The following RASEF variants were observed in gnomAD, a reference collection of about 807,000 sequenced individuals.
The protein encoded by RASEF is ras and EF-hand domain-containing protein.
In RASEF, 68 loss-of-function variants were observed where a neutral mutation model predicts 90.1. The ratio of observed to expected loss-of-function variants is 0.75; its 90% CI spans 0.62 to 0.92. RASEF has a LOEUF of 0.92. RASEF is among the 40% of genes least tolerant of loss of function. The pLI is 0.00. For synonymous variants in RASEF, 331 were observed against 345.2 expected (o/e 0.96, Z 0.46); for missense variants, 949 against 937.2 (o/e 1.01, Z -0.16).
intron 1 of RASEF, chr9:83,055,039 C>A (rs1161449804): frequency 6.8e-6 from 1 of 146,780 alleles, no homozygotes; most frequent in Non-Finnish European, 1.5e-5. Context: ...CCTACAGAGG[C>A]AGGCAGGCCT....
the RASEF span, among the ~76,000 whole-genome samples, chr9:83,093,598 G>A: frequency 3.3e-5 from 5 of 152,216 alleles, no homozygotes; most frequent in African/African-American, 7.2e-5. Flanking sequence ...CGGCTGCTCC[G>A]AGTGTGGGGC....
chr9:83,005,111 G>A (rs996130512), intron 8 of RASEF, among the ~76,000 whole-genome samples: 1 of 152,166 alleles, frequency 6.6e-6, no homozygotes, highest in Admixed American at 6.6e-5. Context: ...GCATCTCACT[G>A]GCATAAAGAA....
chr9:83,002,182 A>G (rs115320757), intron 9 of RASEF, among the ~76,000 whole-genome samples: 2,105 of 152,336 alleles, frequency 0.014, 50 homozygotes, highest in African/African-American at 0.047. Flanking sequence ...GAGAATGGGC[A>G]CGATACATAG....
chr9:82,983,208 TAC>T lies in RASEF; in HGVS notation c.2118-428_2118-427del, dbSNP rs1828650042. Among the ~76,000 whole-genome samples the T allele has an allele frequency of 2.0e-5, 3 of 151,616 alleles. No homozygotes were observed. In the South Asian group the frequency reaches 6.3e-4, roughly 32 times the overall value. On this transcript the variant is annotated intron_variant, in intron 16 of 16. Coordinates refer to ENST00000376447, the MANE Select transcript of RASEF (RefSeq NM_152573.4). ...TTTCAGGATGCTGCAGAACCTGCGA[TAC>T]ACACAGCTTGCTCCTTAACACTCTG... is the stretch of plus-strand genomic sequence containing the variant.
chr9:82,996,741 C>T (rs749084371), intron 14 of RASEF, among the ~76,000 whole-genome samples: 6 of 152,132 alleles, frequency 3.9e-5, no homozygotes, highest in African/African-American at 9.7e-5. Flanking sequence ...TACTTGCTTA[C>T]GATGGGATTC....
chr9:83,049,083 C>G (rs892432628), intron 1 of RASEF, among the ~76,000 whole-genome samples: 1 of 149,212 alleles, frequency 6.7e-6, no homozygotes, highest in Admixed American at 6.7e-5. Context: ...GAGATCACAC[C>G]ACTGCACTCC....
chr9:83,195,563 T>C, the RASEF span, among the ~76,000 whole-genome samples: 1 of 152,164 alleles, frequency 6.6e-6, no homozygotes, highest in Non-Finnish European at 1.5e-5. Flanking sequence ...GCACTAGCGA[T>C]ACAGCAGTGG....
At position 83,062,433 on chromosome 9, in the gene RASEF, GC is replaced by G; in HGVS notation, c.431+3del. The G allele has an allele frequency of 1.9e-6, 3 of 1,612,490 alleles. No homozygotes were observed. In the South Asian group the frequency reaches 3.3e-5, roughly 18 times the overall value. ...AACCTCCCGCCCCCAGCTCACACTC[GC>G]ACCTGGGAATGAACTTGGCTTCGTC... On this transcript the variant is annotated splice_donor_region_variant and intron_variant, in intron 1 of 16. Coordinates refer to ENST00000376447, the MANE Select transcript of RASEF (RefSeq NM_152573.4).
At chr9:83,197,931 C>T in the RASEF span, among the ~76,000 whole-genome samples, 1 of 152,196 alleles carries the variant, frequency 6.6e-6, no homozygotes, top group Non-Finnish European at 1.5e-5. Context: ...AGTAAAAGCA[C>T]AAGGAAACTA....
At chr9:83,022,758 G>C (rs1159667179) in intron 2 of RASEF, among the ~76,000 whole-genome samples, 1 of 152,020 alleles carries the variant, frequency 6.6e-6, no homozygotes, top group African/African-American at 2.4e-5. Context: ...TTCACACCTA[G>C]GCTATATGGA....
At chr9:83,158,541 CACAT>C in the RASEF span, among the ~76,000 whole-genome samples, 1 of 149,552 alleles carries the variant, frequency 6.7e-6, no homozygotes, top group South Asian at 2.1e-4. Context: ...TCCACACACA[CACAT>C]ACACACACAC....
At chr9:83,114,117 C>A in the RASEF span, among the ~76,000 whole-genome samples, 1 of 152,122 alleles carries the variant, frequency 6.6e-6, no homozygotes. Context: ...AATGGAGGGA[C>A]CAGCTGAAGC....
upstream of RASEF, among the ~76,000 whole-genome samples, chr9:83,065,915 C>T (rs1830278530): frequency 6.6e-6 from 1 of 152,144 alleles, no homozygotes; most frequent in African/African-American, 2.4e-5. Flanking sequence ...ACGGAATATC[C>T]TGTAATGCAC....
the RASEF span, among the ~76,000 whole-genome samples, chr9:83,146,441 C>T: frequency 6.6e-6 from 1 of 152,094 alleles, no homozygotes; most frequent in South Asian, 2.1e-4. Context: ...TTCATAATTT[C>T]GCTATTTTGT....
the RASEF span, among the ~76,000 whole-genome samples, chr9:83,068,293 C>T: frequency 3.4e-3 from 514 of 152,356 alleles, 7 homozygotes; most frequent in East Asian, 0.034. Flanking sequence ...TACAATGGCA[C>T]GCTGGTTCCC....
chr9:83,079,236 TA>T, the RASEF span, among the ~76,000 whole-genome samples: 1 of 152,192 alleles, frequency 6.6e-6, no homozygotes, highest in African/African-American at 2.4e-5. Context: ...GTATAGAGTG[TA>T]AGGAAGAGGT....
At chr9:83,164,602 G>A in the RASEF span, among the ~76,000 whole-genome samples, 2 of 143,848 alleles carry the variant, frequency 1.4e-5, no homozygotes, top group East Asian at 4.0e-4. Context: ...AATCAAATTA[G>A]AACCACCAAG....
chr9:83,084,069 A>G, the RASEF span, among the ~76,000 whole-genome samples: 2 of 152,150 alleles, frequency 1.3e-5, no homozygotes, highest in Non-Finnish European at 2.9e-5. Context: ...TTTTGAAAAA[A>G]TGATGGATAA....
the RASEF span, among the ~76,000 whole-genome samples, chr9:83,167,604 T>G: frequency 6.6e-6 from 1 of 152,154 alleles, no homozygotes; most frequent in African/African-American, 2.4e-5. Context: ...GTGCAACCAT[T>G]ACCATATCAA....
Sources: allele counts gnomAD v4.1 joint callset (sites outside exome capture counted in the v4.1 genomes callset), GRCh38; gene constraint gnomAD v4.1.1; transcripts MANE v1.5; gene names NCBI Gene and HGNC (gene_info 2026-07-23, HGNC 2026-07-21).